The following PRKD1 variants were observed in gnomAD, a reference collection of about 807,000 sequenced individuals.
PRKD1 encodes serine/threonine-protein kinase D1.
In PRKD1, 63 loss-of-function variants were observed where a neutral mutation model predicts 95.9. That is an observed-to-expected ratio of 0.66 (90% CI 0.54 to 0.81). The LOEUF is 0.81. PRKD1 is among the 30% of genes least tolerant of loss of function. The pLI is 0.00. For synonymous variants in PRKD1, 425 were observed against 423.1 expected, an observed-to-expected ratio of 1.00 and a Z score of -0.05; for missense variants, 1,048 against 1,165.3, an observed-to-expected ratio of 0.90 and a Z score of 1.47.
chr14:29,907,550 C>T (rs1346041999), intron 1 of PRKD1, among the ~76,000 whole-genome samples: 1 of 152,086 alleles, frequency 6.6e-6, no homozygotes, highest in African/African-American at 2.4e-5. Flanking sequence ...GTGTGATTGA[C>T]CCAATCTTAC....
intron 4 of PRKD1, among the ~76,000 whole-genome samples, chr14:29,661,129 TAAAC>T (rs1166452248): frequency 2.0e-5 from 3 of 152,146 alleles, no homozygotes; most frequent in African/African-American, 7.2e-5. Flanking sequence ...CCCAAATGGA[TAAAC>T]AAACAGAATT....
In PRKD1 at chr14:29,616,243, C is replaced by CAAAAAAAA. The variant is rs72142312; in HGVS notation, c.1905+7901_1905+7908dup. On this transcript the variant is annotated intron_variant, in intron 13 of 17. Coordinates refer to ENST00000331968, the MANE Select transcript of PRKD1 (RefSeq NM_002742.3). ...GAGCCTTAGAAATCAAGAGTATGGC[C>CAAAAAAAA]AAAAAAAAAAAAAAAAAAAAAAGCC... 3.8e-4 allele frequency among the ~76,000 whole-genome samples: 13 copies of CAAAAAAAA among 33,962 alleles called. 3 individuals carry two copies. The highest frequency in any genetic ancestry group is 1.3e-3 in the African/African-American group (10 of 7,838). The allele number at this position is 33,962 out of a possible 152,430, so 22.3% of individuals were successfully genotyped here.
At chr14:29,832,483 T>G (rs1175501124) in intron 1 of PRKD1, among the ~76,000 whole-genome samples, 1 of 152,178 alleles carries the variant, frequency 6.6e-6, no homozygotes, top group East Asian at 1.9e-4. Flanking sequence ...GGCCTTTAGT[T>G]TTTTTAATAG....
At chr14:29,877,175 A>T (rs1893330644) in intron 1 of PRKD1, among the ~76,000 whole-genome samples, 1 of 152,178 alleles carries the variant, frequency 6.6e-6, no homozygotes, top group South Asian at 2.1e-4. Flanking sequence ...GAAGAAGAAG[A>T]AGTAGGTACA....
chr14:29,694,942 G>A lies in PRKD1; in HGVS notation c.404-28734C>T, dbSNP rs1884428322. On this transcript the variant is annotated intron_variant, in intron 2 of 17. Coordinates refer to ENST00000331968, the MANE Select transcript of PRKD1 (RefSeq NM_002742.3). The stretch of plus-strand genomic sequence containing the variant: ...AGCCTTAGAAGTCACAGTCTTAAAA[G>A]GACAGCCGGGCCAGGCACGGTGGCT... 2.6e-5 allele frequency among the ~76,000 whole-genome samples: 4 copies of A among 152,196 alleles called. No homozygotes were observed. In the South Asian group the frequency reaches 8.3e-4, roughly 32 times the overall value.
intron 1 of PRKD1, among the ~76,000 whole-genome samples, chr14:29,754,304 C>T (rs7160869): frequency 0.32 from 48,622 of 151,888 alleles, 8,208 homozygotes; most frequent in African/African-American, 0.42. Flanking sequence ...GTGTTGTCCA[C>T]GCTGTCCTTT....
Position 29,647,729 on chromosome 14 carries a change from C to T in PRKD1, c.697-8825G>A, listed in dbSNP as rs192326218. 2.5e-3 allele frequency among the ~76,000 whole-genome samples: 380 copies of T among 152,270 alleles called. 1 individual carries two copies. The highest frequency in any genetic ancestry group is 9.0e-3 in the African/African-American group (375 of 41,556). ...TGAGAGCCTCTCCCTTCAAAAATGG[C>T]CCATAAGGATAACTTTATAGTGTTG... On this transcript the variant is annotated intron_variant, in intron 4 of 17. Coordinates refer to ENST00000331968, the MANE Select transcript of PRKD1 (RefSeq NM_002742.3).
In PRKD1 at chr14:29,826,762, TATATATACACATATATATAC is replaced by T. The variant is rs1473779345; in HGVS notation, c.264+100467_264+100486del. 1.0e-4 allele frequency among the ~76,000 whole-genome samples: 5 copies of T among 48,814 alleles called. 1 individual carries two copies. The highest frequency in any genetic ancestry group is 1.6e-4 in the Non-Finnish European group (4 of 24,408). 32.0% of individuals were successfully genotyped at this position (48,814 alleles called of 152,430 possible). ...ATATATACACATATATATATACATA[TATATATACACATATATATAC>T]ATATATACACATATATATACACATA... On this transcript the variant is annotated intron_variant, in intron 1 of 17. Transcript: ENST00000331968.
intron 4 of PRKD1, among the ~76,000 whole-genome samples, chr14:29,648,097 T>C (rs1317726311): frequency 6.6e-6 from 1 of 152,230 alleles, no homozygotes; most frequent in Non-Finnish European, 1.5e-5. Context: ...GAGATAAGGT[T>C]AATTAATGTC....
At chr14:29,766,552 C>A (rs905394948) in intron 1 of PRKD1, among the ~76,000 whole-genome samples, 3 of 152,152 alleles carry the variant, frequency 2.0e-5, no homozygotes, top group Non-Finnish European at 2.9e-5. Context: ...ATATGTTAAT[C>A]AATGCCATGG....
intron 4 of PRKD1, chr14:29,656,525 A>C (rs1426574891): frequency 1.3e-6 from 2 of 1,534,414 alleles, no homozygotes; most frequent in African/African-American, 2.7e-5. Flanking sequence ...GTAAGAGCAA[A>C]AAGCAGGCAA....
chr14:29,719,297 G>A (rs1338063503), intron 2 of PRKD1, among the ~76,000 whole-genome samples: 1 of 151,848 alleles, frequency 6.6e-6, no homozygotes, highest in Non-Finnish European at 1.5e-5. Flanking sequence ...GAACCTTCAG[G>A]GTTTTCTTAA....
chr14:29,886,247 C>T (rs1320950402), intron 1 of PRKD1, among the ~76,000 whole-genome samples: 1 of 152,198 alleles, frequency 6.6e-6, no homozygotes, highest in Non-Finnish European at 1.5e-5. Context: ...TAGAAATCAA[C>T]AAAATTTCAG....
chr14:29,839,987 C>T (rs1891767529), intron 1 of PRKD1, among the ~76,000 whole-genome samples: 1 of 152,114 alleles, frequency 6.6e-6, no homozygotes, highest in African/African-American at 2.4e-5. Context: ...GCCCTAGAGA[C>T]ATTTTCCCAT....
chr14:29,617,604 A>G (rs879788264), intron 13 of PRKD1, among the ~76,000 whole-genome samples: 3 of 152,218 alleles, frequency 2.0e-5, no homozygotes, highest in Non-Finnish European at 2.9e-5. Flanking sequence ...GGAGAAAAAT[A>G]TTAGTGAATC....
intron 1 of PRKD1, among the ~76,000 whole-genome samples, chr14:29,783,679 CA>C (rs1258456246): frequency 1.2e-4 from 18 of 152,192 alleles, no homozygotes; most frequent in Non-Finnish European, 2.5e-4. Context: ...TCATAATAGA[CA>C]TTCTAACTGG....
At position 29,726,566 on chromosome 14, in the gene PRKD1, G is replaced by C. The variant is rs550875694; in HGVS notation, c.265-892C>G. Reference sequence around the variant, plus strand: ...TACAGGTGGACCTTAAGAAGCTACTGTCGGGGAGAAATGTCCAGAATCTAA... The same window carrying C: ...TACAGGTGGACCTTAAGAAGCTACTCTCGGGGAGAAATGTCCAGAATCTAA... On this transcript the variant is annotated intron_variant, in intron 1 of 17. Transcript: ENST00000331968. Among the ~76,000 whole-genome samples the C allele has an allele frequency of 2.0e-5, 3 of 152,256 alleles. No individual in the cohort carries two copies. In the South Asian group the frequency reaches 6.2e-4, roughly 32 times the overall value.
chr14:29,654,248 T>C (rs1881702713), intron 4 of PRKD1, among the ~76,000 whole-genome samples: 1 of 152,152 alleles, frequency 6.6e-6, no homozygotes, highest in Non-Finnish European at 1.5e-5. Flanking sequence ...CTTGGCCCAA[T>C]GCAACCTCTG....
At chr14:29,843,220 T>C (rs1450584243) in intron 1 of PRKD1, among the ~76,000 whole-genome samples, 1 of 152,090 alleles carries the variant, frequency 6.6e-6, no homozygotes, top group Non-Finnish European at 1.5e-5. Context: ...GGAAAGACCA[T>C]GTGAAGATAC....
Sources: gnomAD v4.1 joint callset for allele counts (sites outside exome capture counted in the v4.1 genomes callset) on GRCh38, gnomAD v4.1.1 for gene constraint, MANE v1.5 for transcripts, NCBI Gene and HGNC (gene_info 2026-07-23, HGNC 2026-07-21) for gene names.